Variants in SAMD12 observed in about 807,000 individuals in gnomAD.
The protein encoded by SAMD12 is sterile alpha motif domain containing 12.
SAMD12 carries 9 observed loss-of-function variants against 15.0 expected under a neutral mutation model. The observed-to-expected ratio is 0.60, with a 90% CI of 0.36 to 1.05. The LOEUF (loss-of-function observed/expected upper bound fraction) is 1.05, where lower values mean the gene tolerates loss of function less well. Ranked by LOEUF, SAMD12 falls within the 50% of genes least tolerant of loss-of-function variation. The pLI, the probability that SAMD12 is intolerant of heterozygous loss-of-function variation, is 0.01. For synonymous variants in SAMD12, 86 were observed against 90.1 expected, an observed-to-expected ratio of 0.96 and a Z score of 0.25; for missense variants, 230 against 234.2, an observed-to-expected ratio of 0.98 and a Z score of 0.12.
chr8:118,440,095 C>T, intron 2 of SAMD12, 134 bp from the exon 3 acceptor site: 1 of 848,360 alleles, frequency 1.2e-6, no homozygotes, highest in Non-Finnish European at 1.8e-6. Flanking sequence ...TGTCTTTCTC[C>T]TAACCTCTGT....
intron 4 of SAMD12, among the ~76,000 whole-genome samples, chr8:118,256,117 A>AT (rs774760794): frequency 1.3e-5 from 2 of 152,090 alleles, no homozygotes; most frequent in East Asian, 3.9e-4. Context: ...GATGGTGAGC[A>AT]TTTTTTCATG....
intron 4 of SAMD12, among the ~76,000 whole-genome samples, chr8:118,205,350 T>G (rs377143524): frequency 2.6e-5 from 4 of 152,244 alleles, no homozygotes; most frequent in African/African-American, 9.6e-5. Context: ...GATAACACAA[T>G]GACCATAAGA....
chr8:118,281,143 C>A (rs1054136981), intron 4 of SAMD12, among the ~76,000 whole-genome samples: 2 of 151,994 alleles, frequency 1.3e-5, no homozygotes, highest in Non-Finnish European at 2.9e-5. Flanking sequence ...TTCCTAAAGT[C>A]AAAAAATTGT....
chr8:118,532,319 T>C (rs950381604), intron 2 of SAMD12, among the ~76,000 whole-genome samples: 1 of 152,224 alleles, frequency 6.6e-6, no homozygotes, highest in African/African-American at 2.4e-5. Flanking sequence ...CTTTTCGATA[T>C]GCTCCTGGAT....
At chr8:118,575,279 C>T (rs573322008) in intron 2 of SAMD12, among the ~76,000 whole-genome samples, 2 of 152,294 alleles carry the variant, frequency 1.3e-5, no homozygotes, top group Non-Finnish European at 2.9e-5. Flanking sequence ...CCAAAGCCAA[C>T]TGCAAGCAAT....
intron 4 of SAMD12, among the ~76,000 whole-genome samples, chr8:118,260,277 T>A (rs1002059298): frequency 6.6e-6 from 1 of 152,132 alleles, no homozygotes; most frequent in Non-Finnish European, 1.5e-5. Context: ...TTGTCCCTTA[T>A]GATATTCTTC....
chr8:118,620,965 T>G (rs1828386006), intron 1 of SAMD12: 1 of 151,480 alleles, frequency 6.6e-6, no homozygotes, highest in Admixed American at 6.6e-5. Context: ...CGGTCCACAG[T>G]TTTTTTTTCT....
chr8:118,247,927 T>C (rs1274071771), intron 4 of SAMD12, among the ~76,000 whole-genome samples: 1 of 152,052 alleles, frequency 6.6e-6, no homozygotes, highest in Non-Finnish European at 1.5e-5. Context: ...GGGAAAAAAA[T>C]ACTAGAAGCA....
At chr8:118,178,646 A>G in the SAMD12 span, among the ~76,000 whole-genome samples, 1 of 151,810 alleles carries the variant, frequency 6.6e-6, no homozygotes, top group South Asian at 2.1e-4. Flanking sequence ...TTGTATTTGT[A>G]GTAGAGATGG....
intron 3 of SAMD12, among the ~76,000 whole-genome samples, chr8:118,431,368 C>T (rs1248410261): frequency 6.6e-6 from 1 of 152,134 alleles, no homozygotes; most frequent in Non-Finnish European, 1.5e-5. Context: ...AGTTTCTGAT[C>T]TATATCATTT....
chr8:118,212,453 T>G (rs1037257072), intron 4 of SAMD12, among the ~76,000 whole-genome samples: 1 of 152,230 alleles, frequency 6.6e-6, no homozygotes, highest in Non-Finnish European at 1.5e-5. Flanking sequence ...AACTTGACAA[T>G]TTCTATGCCT....
intron 2 of SAMD12, among the ~76,000 whole-genome samples, chr8:118,568,763 G>GGGAA (rs1165205793): frequency 2.0e-5 from 3 of 152,132 alleles, no homozygotes; most frequent in African/African-American, 7.2e-5. Flanking sequence ...TTGACTTGGG[G>GGGAA]GGAATATCAC....
exon 5 of SAMD12, chr8:118,190,980 G>A (rs1055469413): frequency 6.6e-6 from 1 of 152,046 alleles, no homozygotes; most frequent in African/African-American, 2.4e-5. Flanking sequence ...ATTAAATTTT[G>A]TTACAAGATT....
intron 3 of SAMD12, among the ~76,000 whole-genome samples, chr8:118,425,139 C>A (rs62533400): frequency 2.0e-5 from 3 of 151,964 alleles, no homozygotes; most frequent in African/African-American, 7.3e-5. Flanking sequence ...AGGGTTTCAC[C>A]GTGTTAGCCA....
the SAMD12 span, among the ~76,000 whole-genome samples, chr8:118,133,020 A>ATATG: frequency 2.1e-5 from 2 of 97,296 alleles, no homozygotes; most frequent in African/African-American, 7.9e-5. Flanking sequence ...ATATATATAT[A>ATATG]TATATATCTT....
chr8:118,268,943 T>C (rs1355538521), intron 4 of SAMD12, among the ~76,000 whole-genome samples: 2 of 152,184 alleles, frequency 1.3e-5, no homozygotes, highest in Admixed American at 1.3e-4. Flanking sequence ...CTACCTTCTT[T>C]AGGATAAATA....
At chr8:118,253,332 C>A (rs565015090) in intron 4 of SAMD12, among the ~76,000 whole-genome samples, 1 of 152,254 alleles carries the variant, frequency 6.6e-6, no homozygotes, top group Non-Finnish European at 1.5e-5. Context: ...GGTTTTCTTA[C>A]TACCAAAATG....
intron 4 of SAMD12, among the ~76,000 whole-genome samples, chr8:118,339,547 G>C (rs1025817323): frequency 9.8e-5 from 15 of 152,300 alleles, no homozygotes; most frequent in Admixed American, 8.5e-4. Context: ...AAATCTTTTG[G>C]CTGCCGCCGC....
intron 4 of SAMD12, among the ~76,000 whole-genome samples, chr8:118,202,444 T>G (rs1400156076): frequency 6.6e-6 from 1 of 152,116 alleles, no homozygotes; most frequent in African/African-American, 2.4e-5. Context: ...AGCGCAGCCC[T>G]TAACAGACAG....
Sources: gnomAD v4.1 joint callset for allele counts (sites outside exome capture counted in the v4.1 genomes callset) on GRCh38, gnomAD v4.1.1 for gene constraint, MANE v1.5 for transcripts, NCBI Gene and HGNC (gene_info 2026-07-23, HGNC 2026-07-21) for gene names.